Variants in COMMD1 observed in about 807,000 individuals in gnomAD.
The protein encoded by COMMD1 is COMM domain-containing protein 1.
Under a neutral mutation model 17.2 loss-of-function variants are expected in COMMD1, and 10 were observed. That is an observed-to-expected ratio of 0.58 (90% confidence interval 0.36 to 0.99). The LOEUF is 0.99. COMMD1 is among the 50% of genes least tolerant of loss of function. The pLI, the probability that COMMD1 is intolerant of heterozygous loss-of-function variation, is 0.01. For missense variants in COMMD1, 270 were observed against 231.8 expected, an observed-to-expected ratio of 1.17 and a Z score of -1.07; for synonymous variants, 97 against 91.6, an observed-to-expected ratio of 1.06 and a Z score of -0.34.
At chr2:62,018,192 A>G (rs915027331) in intron 2 of COMMD1, among the ~76,000 whole-genome samples, 1 of 152,192 alleles carries the variant, frequency 6.6e-6, no homozygotes, top group Non-Finnish European at 1.5e-5. Flanking sequence ...GTCACATGGC[A>G]CATGGCTACC....
chr2:62,128,653 C>T (rs1287207669), intron 2 of COMMD1, among the ~76,000 whole-genome samples: 1 of 151,942 alleles, frequency 6.6e-6, no homozygotes, highest in Non-Finnish European at 1.5e-5. Context: ...CAAAGTGCTA[C>T]CATATAAGAT....
At position 61,922,496 on chromosome 2, in the gene COMMD1, T is replaced by C. The variant is rs143305060; in HGVS notation, c.180+16638T>C. ...CTATGCCTGGCTAATTTTGTATTTT[T>C]AGTAGAGATGGGTTTCACCATGTTG... On this transcript the variant is annotated intron_variant, in intron 1 of 2. Transcript: ENST00000311832. Among the ~76,000 whole-genome samples, 657 of 152,266 alleles carry C rather than the reference T, an allele frequency of 4.3e-3. 2 individuals carry two copies. Among genetic ancestry groups the C allele is most frequent in the African/African-American group, 0.015 (626 of 41,538 alleles).
intron 1 of COMMD1, among the ~76,000 whole-genome samples, chr2:61,996,314 ATGTGTGTGTGTGTGTGTGTGTG>A (rs70946774): frequency 7.0e-6 from 1 of 142,314 alleles, no homozygotes; most frequent in Non-Finnish European, 1.5e-5. Context: ...TGTTTTCTAA[ATGTGTGTGTGTGTGTGTGTGTG>A]TGTGTGTGTG....
chr2:62,035,877 C>T (rs1018740923), intron 2 of COMMD1, among the ~76,000 whole-genome samples: 1 of 151,576 alleles, frequency 6.6e-6, no homozygotes, highest in Non-Finnish European at 1.5e-5. Context: ...CATGCTAAAA[C>T]CCTGTCTCTA....
intron 1 of COMMD1, among the ~76,000 whole-genome samples, chr2:61,948,570 TAGTC>T (rs1670972105): frequency 6.6e-6 from 1 of 152,220 alleles, no homozygotes; most frequent in Non-Finnish European, 1.5e-5. Context: ...ATTTAGTCTT[TAGTC>T]AGGCATAAAT....
intron 1 of COMMD1, among the ~76,000 whole-genome samples, chr2:61,931,195 C>G (rs1472860969): frequency 6.6e-6 from 1 of 151,994 alleles, no homozygotes. Context: ...GCCTGTAGTC[C>G]TAGCTACTCA....
In COMMD1 at chr2:62,026,020, T is replaced by A. The variant is rs962557499; in HGVS notation, c.462+25038T>A. Among the ~76,000 whole-genome samples the A allele has an allele frequency of 6.6e-5, 10 of 152,104 alleles. 1 individual carries two copies. The highest frequency in any genetic ancestry group is 1.3e-4 in the Non-Finnish European group (9 of 68,030). On this transcript the variant is annotated intron_variant, in intron 2 of 2. Transcript: ENST00000311832. ...GGATACACTGTTCTTCTACCTACTT[T>A]GCACTTAGGGAAACGGGCATGGAGA...
chr2:61,893,811 A>C (rs1032642297), intron 1 of COMMD1, among the ~76,000 whole-genome samples: 1 of 136,992 alleles, frequency 7.3e-6, no homozygotes, highest in African/African-American at 2.9e-5. Context: ...CCTCCATCTC[A>C]AAAAAAAAAA....
intron 2 of COMMD1, among the ~76,000 whole-genome samples, chr2:62,098,816 A>G (rs1672092652): frequency 6.6e-6 from 1 of 152,104 alleles, no homozygotes; most frequent in Non-Finnish European, 1.5e-5. Context: ...CCAATCTGCT[A>G]CTCTAAATCA....
intron 2 of COMMD1, among the ~76,000 whole-genome samples, chr2:62,095,916 C>CATAT (rs776573572): frequency 1.4e-5 from 2 of 141,084 alleles, no homozygotes; most frequent in South Asian, 2.2e-4. Context: ...TGTATATATA[C>CATAT]ATATATATAT....
At chr2:62,095,460 T>G (rs1299300859) in intron 2 of COMMD1, among the ~76,000 whole-genome samples, 3 of 152,096 alleles carry the variant, frequency 2.0e-5, no homozygotes, top group Non-Finnish European at 1.5e-5. Flanking sequence ...TGGTACCATG[T>G]TATCAAGTCA....
intron 1 of COMMD1, among the ~76,000 whole-genome samples, chr2:61,893,074 C>T (rs187881202): frequency 6.6e-6 from 1 of 151,908 alleles, no homozygotes; most frequent in Non-Finnish European, 1.5e-5. Context: ...ACCATGTTGG[C>T]CAGGCTGGTT....
At chr2:61,890,744 T>G (rs1049718140) in intron 1 of COMMD1, among the ~76,000 whole-genome samples, 3 of 149,100 alleles carry the variant, frequency 2.0e-5, no homozygotes, top group Non-Finnish European at 3.0e-5. Flanking sequence ...GGAGAATCCC[T>G]TGAAGCCAGG....
intron 1 of COMMD1, among the ~76,000 whole-genome samples, chr2:61,952,815 T>A (rs750966209): frequency 4.6e-5 from 7 of 152,224 alleles, no homozygotes; most frequent in Non-Finnish European, 1.0e-4. Context: ...TTTCTATGGA[T>A]GTATGCTTTC....
chr2:62,000,622 A>C, intron 1 of COMMD1, 79 bp from the exon 2 acceptor site: 1 of 1,358,616 alleles, frequency 7.4e-7, no homozygotes, highest in East Asian at 2.3e-5. Flanking sequence ...CACTCAAAAT[A>C]TAATCTGTAG....
intron 1 of COMMD1, among the ~76,000 whole-genome samples, chr2:61,911,585 CA>C (rs991053039): frequency 1.3e-5 from 2 of 152,166 alleles, no homozygotes; most frequent in Admixed American, 1.3e-4. Context: ...CCTCCTGCCT[CA>C]GTCTCCCAAA....
intron 1 of COMMD1, among the ~76,000 whole-genome samples, chr2:61,953,651 T>C (rs1671117827): frequency 6.6e-6 from 1 of 152,174 alleles, no homozygotes; most frequent in Admixed American, 6.5e-5. Context: ...ATTACAGGTG[T>C]GAGCCACTGT....
intron 2 of COMMD1, among the ~76,000 whole-genome samples, chr2:62,058,131 T>G (rs1670759600): frequency 6.6e-6 from 1 of 152,182 alleles, no homozygotes; most frequent in Admixed American, 6.5e-5. Flanking sequence ...ACCTTCTGAT[T>G]TAGCATTTGA....
chr2:61,892,921 G>A (rs1335702437), intron 1 of COMMD1, among the ~76,000 whole-genome samples: 6 of 151,744 alleles, frequency 4.0e-5, no homozygotes, highest in Non-Finnish European at 8.8e-5. Flanking sequence ...AGCCTGGAGT[G>A]CAGTGGCGCA....
Sources: gnomAD v4.1 joint callset for allele counts (sites outside exome capture counted in the v4.1 genomes callset) on GRCh38, gnomAD v4.1.1 for gene constraint, MANE v1.5 for transcripts, NCBI Gene and HGNC (gene_info 2026-07-23, HGNC 2026-07-21) for gene names.